Variants in PCNT observed in about 807,000 individuals in gnomAD.
The protein encoded by PCNT is pericentrin.
In PCNT, 319 loss-of-function variants were observed where a neutral mutation model predicts 380.4. The ratio of observed to expected loss-of-function variants is 0.84; its 90% CI spans 0.77 to 0.92. The LOEUF is 0.92. PCNT is among the 40% of genes least tolerant of loss of function. The pLI, the probability that PCNT is intolerant of heterozygous loss-of-function variation, is 0.00. For synonymous variants in PCNT, 1,845 were observed against 1,735.2 expected (o/e 1.06, Z -1.57); for missense variants, 4,400 against 4,255.3 (o/e 1.03, Z -0.95).
At chr21:46,374,703 G>A (rs1169451202) in intron 15 of PCNT, among the ~76,000 whole-genome samples, 1 of 152,064 alleles carries the variant, frequency 6.6e-6, no homozygotes, top group Non-Finnish European at 1.5e-5. Flanking sequence ...TACAAAACTA[G>A]CCAGCCATGG....
chr21:46,349,382 C>G lies in PCNT; in HGVS notation c.1207+196C>G, dbSNP rs17369792. Among the ~76,000 whole-genome samples the G allele has an allele frequency of 0.047, 7,131 of 152,288 alleles. 218 individuals are homozygous for G. The highest frequency in any genetic ancestry group is 0.063 in the Non-Finnish European group (4,298 of 68,028). On this transcript the variant is annotated intron_variant, in intron 7 of 46. Transcript: ENST00000359568. ...CTCAGGGTCCTTAAACCTTCCTGATCTTTGTTTCAGAGATTTTTCTTGGCA... is the reference window on the plus strand; with the variant it reads ...CTCAGGGTCCTTAAACCTTCCTGATGTTTGTTTCAGAGATTTTTCTTGGCA...
Position 46,357,028 on chromosome 21 carries a change from C to T in PCNT, c.1991C>T (p.Thr664Ile). Residue 664 changes from threonine (T) to isoleucine (I), a missense_variant, in exon 13 of 47, where the codon ACA (threonine) becomes ATA (isoleucine). Thr to Ile is a moderately conservative substitution (Grantham distance 89, BLOSUM62 -1). Coordinates refer to ENST00000359568, the MANE Select transcript of PCNT (RefSeq NM_006031.6). Reference sequence around the variant, plus strand: ...CAGGACGGGGACTTGGAGGCCGACACAGAGCGGGCAGCCAGAGTCTTGGGT... The same window carrying T: ...CAGGACGGGGACTTGGAGGCCGACATAGAGCGGGCAGCCAGAGTCTTGGGT... ...GVQDGDLEAD[T>I]ERAARVLGLE... The T allele has an allele frequency of 6.2e-7, 1 of 1,614,238 alleles. No individual in the cohort carries two copies. The highest frequency in any genetic ancestry group is 8.5e-7 in the Non-Finnish European group (1 of 1,180,050).
chr21:46,419,094 G>A (rs1263921792), intron 31 of PCNT, among the ~76,000 whole-genome samples: 1 of 151,658 alleles, frequency 6.6e-6, no homozygotes, highest in African/African-American at 2.4e-5. Flanking sequence ...TTCTATAATT[G>A]TTGTCTTTTT....
chr21:46,416,863 G>T (rs201717879), intron 30 of PCNT, 24 bp downstream of exon 30: 1 of 1,596,232 alleles, frequency 6.3e-7, no homozygotes, highest in East Asian at 2.2e-5. Context: ...CTGCTCCCAG[G>T]CCTGCTGTTC....
At chr21:46,397,670 T>C (rs996182968) in intron 22 of PCNT, among the ~76,000 whole-genome samples, 176 bp downstream of exon 22, 8 of 152,086 alleles carry the variant, frequency 5.3e-5, no homozygotes, top group African/African-American at 1.9e-4. Flanking sequence ...CTTGCCCACA[T>C]GTTGTGGCGC....
In PCNT at chr21:46,326,416, T is replaced by C. The variant is rs756110597; in HGVS notation, c.94T>C (p.Ser32Pro). Residue 32 changes from serine to proline, a missense_variant, in exon 2 of 47, where the codon TCG becomes CCG. Ser to Pro is a moderately conservative substitution (Grantham distance 74, BLOSUM62 -1). Coordinates refer to ENST00000359568, the MANE Select transcript of PCNT (RefSeq NM_006031.6). ...ACAGAGAAAAACAAAAGGTGACAGT[T>C]CGCATTCGGAGAAAAAGACGGCGAA... is the stretch of plus-strand genomic sequence containing the variant. Reference protein sequence around the residue: ...FRQRKTKGDSSHSEKKTAKRK... With the variant: ...FRQRKTKGDSPHSEKKTAKRK... 2.1e-5 allele frequency: 34 copies of C among 1,614,230 alleles called. No individual in the cohort carries two copies. Among genetic ancestry groups the C allele is most frequent in the Non-Finnish European group, 2.7e-5 (32 of 1,180,050 alleles).
intron 39 of PCNT, among the ~76,000 whole-genome samples, chr21:46,436,761 C>CG (rs2053468298): frequency 6.6e-6 from 1 of 152,088 alleles, no homozygotes; most frequent in Non-Finnish European, 1.5e-5. Context: ...GGTGGCGCGC[C>CG]TCCCGGCTGG....
chr21:46,339,706 C>T (rs957548440), intron 3 of PCNT, among the ~76,000 whole-genome samples: 5 of 152,330 alleles, frequency 3.3e-5, no homozygotes, highest in Non-Finnish European at 7.3e-5. Context: ...ATCTGCCTTT[C>T]CCAGTCCATT....
intron 21 of PCNT, among the ~76,000 whole-genome samples, chr21:46,396,247 C>T (rs572817103): frequency 2.0e-5 from 3 of 152,304 alleles, no homozygotes; most frequent in South Asian, 2.1e-4. Context: ...TGAGGCTAGG[C>T]GATTTATCAC....
Position 46,390,791 on chromosome 21 carries a change from C to T in PCNT, c.3962C>T (p.Ala1321Val). ...ELLECLKEESAAKAELALELH... is the reference protein window; with the variant it reads ...ELLECLKEESVAKAELALELH... ...CTGGAGTGTTTGAAGGAGGAGAGCGCAGCAAAGGCAGAGCTGGCGCTGGAG... is the reference window on the plus strand; with the variant it reads ...CTGGAGTGTTTGAAGGAGGAGAGCGTAGCAAAGGCAGAGCTGGCGCTGGAG... Residue 1321 changes from alanine (A) to valine (V), a missense_variant, in exon 20 of 47, where the codon GCA becomes GTA. Coordinates refer to ENST00000359568, the MANE Select transcript of PCNT (RefSeq NM_006031.6). 6.2e-7 allele frequency: 1 copy of T among 1,611,960 alleles called. No homozygotes were observed. The highest frequency in any genetic ancestry group is 8.5e-7 in the Non-Finnish European group (1 of 1,179,458).
rs970311412 is a variant in PCNT at position 46,409,992 on chromosome 21, C to G, written c.5116-1197C>G. On this transcript the variant is annotated intron_variant, in intron 27 of 46. Transcript: ENST00000359568. The stretch of plus-strand genomic sequence containing the variant: ...GTGATATATGCGTTGTGATTATGAC[C>G]GTCTTCAGTGCGCACCCCTTGATTC... Among the ~76,000 whole-genome samples the G allele has an allele frequency of 5.9e-5, 9 of 152,338 alleles. No individual in the cohort carries two copies. In the South Asian group the frequency reaches 1.9e-3, roughly 32 times the overall value.
chr21:46,325,256 A>G, intron 1 of PCNT: 1 of 953,256 alleles, frequency 1.0e-6, no homozygotes, highest in Non-Finnish European at 1.2e-6. Context: ...GGTGCTGGGG[A>G]AGAGCGGGGC....
Position 46,431,411 on chromosome 21 carries a change from T to G in PCNT, c.8065-118T>G, listed in dbSNP as rs1372678164. 5 of 1,569,888 alleles carry G rather than the reference T, an allele frequency of 3.2e-6. No individual in the cohort carries two copies. In the African/African-American group the frequency reaches 6.8e-5, roughly 21 times the overall value. On this transcript the variant is annotated intron_variant, in intron 37 of 46. Coordinates refer to ENST00000359568, the MANE Select transcript of PCNT (RefSeq NM_006031.6). ...TTGTCCCTACATGTGGCTAATAGGG[T>G]GCATTTCAAAAGGTAGAATTGCTGG...
At position 46,431,921 on chromosome 21, in the gene PCNT, G is replaced by A. The variant is rs1224215755; in HGVS notation, c.8457G>A (p.Gln2819=). The change falls in exon 38 of 47, where the codon CAG becomes CAA. Residue 2819 remains glutamine, a synonymous_variant. Coordinates refer to ENST00000359568, the MANE Select transcript of PCNT (RefSeq NM_006031.6). ...EKVQQQALHS[Q]QQLEAEAQKH... The stretch of plus-strand genomic sequence containing the variant: ...TGCAGCAGCAAGCCCTGCATTCTCA[G>A]CAGCAGCTTGAGGCTGAGGCTCAGA... 3 of 1,613,994 alleles carry A rather than the reference G, an allele frequency of 1.9e-6. No individual in the cohort carries two copies. Among genetic ancestry groups the A allele is most frequent in the African/African-American group, 1.3e-5 (1 of 74,950 alleles).
At chr21:46,420,778 G>C (rs925433340) in intron 31 of PCNT, 5 of 152,384 alleles carry the variant, frequency 3.3e-5, no homozygotes, top group African/African-American at 7.2e-5. Flanking sequence ...CAGAGTTCCT[G>C]GTACACGCTG....
In PCNT at chr21:46,431,712, G is replaced by A; in HGVS notation, c.8248G>A (p.Glu2750Lys). Reference protein sequence around the residue: ...LSELQKDLAAEKSRTLELSEA... With the variant: ...LSELQKDLAAKKSRTLELSEA... ...TGAGCTCCAGAAGGACCTTGCGGCTGAGAAGAGCCGCACCCTGGAGCTGTC... is the reference window on the plus strand; with the variant it reads ...TGAGCTCCAGAAGGACCTTGCGGCTAAGAAGAGCCGCACCCTGGAGCTGTC... The change falls in exon 38 of 47, where the codon GAG becomes AAG. Residue 2750 changes from glutamate (E) to lysine (K), a missense_variant. Coordinates refer to ENST00000359568, the MANE Select transcript of PCNT (RefSeq NM_006031.6). 1.2e-6 allele frequency: 2 copies of A among 1,612,206 alleles called. No individual in the cohort carries two copies. The highest frequency in any genetic ancestry group is 1.1e-5 in the South Asian group (1 of 91,060).
At position 46,355,519 on chromosome 21, in the gene PCNT, C is replaced by A. The variant is rs755547555; in HGVS notation, c.1829C>A (p.Ser610Tyr). 2.5e-5 allele frequency: 40 copies of A among 1,613,950 alleles called. No individual in the cohort carries two copies. Among genetic ancestry groups the A allele is most frequent in the Non-Finnish European group, 3.4e-5 (40 of 1,179,994 alleles). Residue 610 changes from serine (S) to tyrosine (Y), a missense_variant, in exon 12 of 47, where the codon TCT (serine) becomes TAT (tyrosine). Coordinates refer to ENST00000359568, the MANE Select transcript of PCNT (RefSeq NM_006031.6). ...AGGCACCAGCTGGAAGCGCTGGAGT[C>A]TCCCCTCTGCATCCAGCACGAGGGG... ...SHRHQLEALE[S>Y]PLCIQHEGHV...
chr21:46,343,549 A>G lies in PCNT; in HGVS notation c.640-2579A>G, dbSNP rs562174881. 3.3e-5 allele frequency among the ~76,000 whole-genome samples: 5 copies of G among 152,166 alleles called. No individual in the cohort carries two copies. The East Asian group carries it at 5.8e-4, about 18-fold the overall frequency. Reference sequence around the variant, plus strand: ...TATTTTGTTGAAGATTTTTGCATCTATGTTCATCAGGGATATTGGTCTGTA... The same window carrying G: ...TATTTTGTTGAAGATTTTTGCATCTGTGTTCATCAGGGATATTGGTCTGTA... On this transcript the variant is annotated intron_variant, in intron 3 of 46. Coordinates refer to ENST00000359568, the MANE Select transcript of PCNT (RefSeq NM_006031.6).
rs769352853 is a variant in PCNT, at chr21:46,399,804, G to A, written c.4791+8G>A. On this transcript the variant is annotated splice_region_variant and intron_variant, in intron 25 of 46. Transcript: ENST00000359568. ...GTGAAAGGGCTGGAACAGGTAAAGC[G>A]TCTCCATGTTGTGGTTGGGCACGTG... 1.9e-5 allele frequency: 31 copies of A among 1,612,910 alleles called. No homozygotes were observed. The highest frequency in any genetic ancestry group is 3.3e-5 in the Admixed American group (2 of 59,990).
Sources: allele counts gnomAD v4.1 joint callset (sites outside exome capture counted in the v4.1 genomes callset), GRCh38; gene constraint gnomAD v4.1.1; transcripts MANE v1.5; gene names NCBI Gene and HGNC (gene_info 2026-07-23, HGNC 2026-07-21).